The following NECTIN2 variants were observed in gnomAD, a reference collection of about 807,000 sequenced individuals.
NECTIN2 encodes the protein nectin cell adhesion molecule 2.
In NECTIN2, 23 loss-of-function variants were observed where a neutral mutation model predicts 56.9. The observed-to-expected ratio is 0.40, with a 90% CI of 0.29 to 0.57. NECTIN2 has a LOEUF of 0.57. NECTIN2 is among the 20% of genes least tolerant of loss of function. The pLI, the probability that NECTIN2 is intolerant of heterozygous loss-of-function variation, is 0.38. For synonymous variants in NECTIN2, 302 were observed against 313.8 expected (o/e 0.96, Z 0.40); for missense variants, 587 against 718.3 (o/e 0.82, Z 2.09).
intron 5 of NECTIN2, 122 bp from the exon 6 acceptor site, chr19:44,882,089 G>A: frequency 1.1e-6 from 1 of 872,922 alleles, no homozygotes; most frequent in Non-Finnish European, 1.6e-6. Context: ...ATGAAAGAAT[G>A]TCCCCTGCCC....
Position 44,888,190 on chromosome 19 carries a change from C to T in NECTIN2, c.1428C>T (p.Ser476=), listed in dbSNP as rs1969382155. 1.2e-6 allele frequency: 2 copies of T among 1,614,156 alleles called. No homozygotes were observed. The highest frequency in any genetic ancestry group is 1.1e-5 in the South Asian group (1 of 91,088). ...PLHPGATSLG[S]PIPVPPGPPA... ...ACCCTGGAGCCACAAGCCTGGGGTC[C>T]CCCATCCCGGTGCCTCCAGGGCCAC... Residue 476 remains serine (S), a synonymous_variant, in exon 9 of 9, where the codon TCC becomes TCT. Transcript: ENST00000252483.
At chr19:44,885,307 C>CTTTTT (rs34485333) in intron 6 of NECTIN2, among the ~76,000 whole-genome samples, 3 of 112,940 alleles carry the variant, frequency 2.7e-5, no homozygotes, top group South Asian at 2.9e-4. Context: ...ATCTTTCTTT[C>CTTTTT]TTTTTTTTTT....
In NECTIN2 at chr19:44,865,709, G is replaced by A. The variant is rs57630773; in HGVS notation, c.478+49G>A. 2.0e-5 allele frequency: 29 copies of A among 1,462,556 alleles called. No individual in the cohort carries two copies. The highest frequency in any genetic ancestry group is 2.8e-5 in the African/African-American group (2 of 71,490). 90.6% of individuals were successfully genotyped at this position (1,462,556 alleles called of 1,614,324 possible). A position where few individuals can be genotyped will look rare whatever the true frequency, so the allele number is the denominator to read the frequency against. On this transcript the variant is annotated intron_variant, in intron 2 of 8. Coordinates refer to ENST00000252483, the MANE Select transcript of NECTIN2 (RefSeq NM_001042724.2). This position sits in a 1 kb window ranked among gnomAD's most constrained non-coding sequence, Gnocchi z 5.2. ...CAAGGAGGTGGGAGGGCCGCGGTGT[G>A]GGAGCATCCCCTTGCGGGTCAGTTT...
chr19:44,886,175 C>T lies in NECTIN2; in HGVS notation c.1303C>T (p.Leu435Phe). 6.2e-7 allele frequency: 1 copy of T among 1,612,998 alleles called. No individual in the cohort carries two copies. The highest frequency in any genetic ancestry group is 8.5e-7 in the Non-Finnish European group (1 of 1,179,894). Residue 435 changes from leucine (L) to phenylalanine (F), a missense_variant, in exon 8 of 9, where the codon CTC becomes TTC. Leu to Phe is a conservative substitution (Grantham distance 22). Transcript: ENST00000252483. ...TCTGGGGGCCTCGGAGCACAGCCCACTCAAGACCCCCTACTTTGATGCTGG... is the reference window on the plus strand; with the variant it reads ...TCTGGGGGCCTCGGAGCACAGCCCATTCAAGACCCCCTACTTTGATGCTGG... ...FTLGASEHSP[L>F]KTPYFDAGAS... is the part of the protein sequence containing the mutation.
At chr19:44,877,700 A>G (rs1404943541) in intron 5 of NECTIN2, among the ~76,000 whole-genome samples, 1 of 152,196 alleles carries the variant, frequency 6.6e-6, no homozygotes, top group East Asian at 1.9e-4. Flanking sequence ...CCCCAAGCTC[A>G]TAGCTTTGTG....
intron 2 of NECTIN2, among the ~76,000 whole-genome samples, chr19:44,870,670 G>T (rs1217153801): frequency 6.6e-6 from 1 of 151,702 alleles, no homozygotes; most frequent in Non-Finnish European, 1.5e-5. Flanking sequence ...CTTTCCAGCT[G>T]GACCTTTGAA....
chr19:44,846,612 C>A lies in NECTIN2; in HGVS notation c.87C>A (p.Thr29=), dbSNP rs1181109761. 1 of 1,525,220 alleles carries A rather than the reference C, an allele frequency of 6.6e-7. No homozygotes were observed. The allele number at this position is 1,525,220 out of a possible 1,614,324, so 94.5% of individuals were successfully genotyped here. The change falls in exon 1 of 9, where the codon ACC becomes ACA. Residue 29 remains threonine, a splice_region_variant and synonymous_variant. Coordinates refer to ENST00000252483, the MANE Select transcript of NECTIN2 (RefSeq NM_001042724.2). ...WPLLLLLLLE[T]GAQDVRVQVL... is the part of the protein sequence containing the mutation. The stretch of plus-strand genomic sequence containing the variant: ...TGCTGCTGCTGCTGCTCCTGGAAAC[C>A]GGTGAGACGAGCGGACGGCCCCCTG...
chr19:44,868,298 G>A (rs1330024770), intron 2 of NECTIN2, among the ~76,000 whole-genome samples: 1 of 147,016 alleles, frequency 6.8e-6, no homozygotes, highest in African/African-American at 2.5e-5. Context: ...GGGAAGCAGA[G>A]ATTGCAAGTG....
intron 3 of NECTIN2, 93 bp from the exon 4 acceptor site, chr19:44,873,823 C>T: frequency 1.1e-6 from 1 of 941,140 alleles, no homozygotes; most frequent in Non-Finnish European, 1.7e-6. Flanking sequence ...TGCCAACCCG[C>T]CCCGTTTCTT....
chr19:44,880,710 C>T (rs1279259167), intron 5 of NECTIN2, among the ~76,000 whole-genome samples: 2 of 151,158 alleles, frequency 1.3e-5, no homozygotes, highest in Non-Finnish European at 2.9e-5. Context: ...GATCGATCCT[C>T]CCACTTCAGC....
chr19:44,858,290 A>T lies in NECTIN2; in HGVS notation c.89-6981A>T, dbSNP rs149942428. Among the ~76,000 whole-genome samples the T allele has an allele frequency of 1.4e-4, 21 of 151,296 alleles. No homozygotes were observed. In the East Asian group the frequency reaches 4.1e-3, roughly 29 times the overall value. On this transcript the variant is annotated intron_variant, in intron 1 of 8. Transcript: ENST00000252483. ...AGTTTGTGGGACTTGTGTGGAGATG[A>T]TGTATTTATGTCACACTTCAGTCTT...
intron 5 of NECTIN2, among the ~76,000 whole-genome samples, chr19:44,876,961 A>G (rs946387584): frequency 3.3e-5 from 5 of 152,160 alleles, no homozygotes; most frequent in Non-Finnish European, 7.4e-5. Context: ...CCAGAAACAG[A>G]GACAAGCCTC....
At chr19:44,864,827 CA>C (rs1209066604) in intron 1 of NECTIN2, among the ~76,000 whole-genome samples, 47 of 144,404 alleles carry the variant, frequency 3.3e-4, no homozygotes, top group Admixed American at 3.5e-4. Context: ...GACTCCGTCT[CA>C]AAAAAAAAAA....
intron 5 of NECTIN2, chr19:44,878,316 C>T (rs1001893373): frequency 5.3e-6 from 8 of 1,507,096 alleles, no homozygotes; most frequent in Admixed American, 3.9e-5. Context: ...GCTGGGGGGT[C>T]CTTGGCCTTC....
At chr19:44,878,339 G>T (rs1969265526) in intron 5 of NECTIN2, 1 of 1,537,444 alleles carries the variant, frequency 6.5e-7, no homozygotes, top group Non-Finnish European at 8.8e-7. Flanking sequence ...CCTGCTGAGG[G>T]TGAGGAGGAG....
intron 1 of NECTIN2, among the ~76,000 whole-genome samples, chr19:44,850,154 A>C (rs1968883735): frequency 6.6e-6 from 1 of 152,128 alleles, no homozygotes; most frequent in African/African-American, 2.4e-5. Context: ...CCCTGATTGC[A>C]CTACTGCACT....
intron 5 of NECTIN2, among the ~76,000 whole-genome samples, chr19:44,879,882 T>A (rs35879138): frequency 0.12 from 18,322 of 152,212 alleles, 1,222 homozygotes; most frequent in African/African-American, 0.16. Flanking sequence ...AGCTGTGGCC[T>A]GCACAGACCC....
intron 1 of NECTIN2, among the ~76,000 whole-genome samples, chr19:44,861,181 C>T (rs1358214458): frequency 2.0e-5 from 3 of 152,020 alleles, no homozygotes; most frequent in African/African-American, 2.4e-5. Flanking sequence ...GTAAAGGGAC[C>T]GCTTACCCAC....
At chr19:44,858,385 G>A (rs78330310) in intron 1 of NECTIN2, among the ~76,000 whole-genome samples, 2,709 of 151,556 alleles carry the variant, frequency 0.018, 85 homozygotes, top group African/African-American at 0.063. Context: ...TCATTCTATC[G>A]CCCATGTTGG....
Sources: gnomAD v4.1 joint callset for allele counts (sites outside exome capture counted in the v4.1 genomes callset) on GRCh38, gnomAD v4.1.1 for gene constraint, Gnocchi (gnomAD v3.1) non-coding constraint, MANE v1.5 for transcripts, NCBI Gene and HGNC (gene_info 2026-07-23, HGNC 2026-07-21) for gene names.